Variants in MYO16 observed in about 807,000 individuals in gnomAD.
MYO16 encodes the protein myosin XVI.
MYO16 carries 94 observed loss-of-function variants against 205.3 expected under a neutral mutation model. That is an observed-to-expected ratio of 0.46 (90% CI 0.39 to 0.54). MYO16 has a LOEUF of 0.54. Among genes scored for constraint, MYO16 ranks in the 20% least tolerant of loss-of-function variants. The pLI is 0.00. For missense variants in MYO16, 2,315 were observed against 2,387.5 expected, an observed-to-expected ratio of 0.97 and a Z score of 0.63; for synonymous variants, 988 against 954.0, an observed-to-expected ratio of 1.04 and a Z score of -0.66.
At chr13:108,553,953 C>A in the MYO16 span, among the ~76,000 whole-genome samples, 11 of 152,178 alleles carry the variant, frequency 7.2e-5, no homozygotes, top group African/African-American at 2.7e-4. Context: ...CCTGTCTCCC[C>A]CTGTGCTCCT....
chr13:108,711,203 G>C (rs929116748), intron 2 of MYO16, among the ~76,000 whole-genome samples: 35 of 152,366 alleles, frequency 2.3e-4, no homozygotes, highest in African/African-American at 7.9e-4. Context: ...TCTTGTAACA[G>C]CAGAGAAAGA....
chr13:108,665,250 T>C (rs958523223), intron 1 of MYO16, among the ~76,000 whole-genome samples: 1 of 152,004 alleles, frequency 6.6e-6, no homozygotes, highest in Non-Finnish European at 1.5e-5. Context: ...TGCCTAGCTA[T>C]CTTAAAAGTT....
At chr13:108,686,882 G>A (rs1381896886) in intron 2 of MYO16, among the ~76,000 whole-genome samples, 2 of 152,200 alleles carry the variant, frequency 1.3e-5, no homozygotes. Flanking sequence ...TTTATTTGCT[G>A]TGAAGGCAGG....
At chr13:108,749,166 G>A (rs1476357495) in intron 4 of MYO16, among the ~76,000 whole-genome samples, 3 of 151,686 alleles carry the variant, frequency 2.0e-5, no homozygotes, top group Admixed American at 2.0e-4. Context: ...ATTTTTTGCA[G>A]TGAGAACACT....
chr13:108,880,432 T>C (rs2139160950), intron 12 of MYO16, among the ~76,000 whole-genome samples: 1 of 152,360 alleles, frequency 6.6e-6, no homozygotes, highest in South Asian at 2.1e-4. Context: ...CATGAAGTCT[T>C]TGCCCATGCC....
chr13:109,022,532 A>G (rs1393716307), intron 23 of MYO16, among the ~76,000 whole-genome samples: 1 of 133,612 alleles, frequency 7.5e-6, no homozygotes, highest in Non-Finnish European at 1.5e-5. Flanking sequence ...TATATACAAT[A>G]TAAACATATG....
At chr13:108,954,539 A>G (rs1209584790) in intron 16 of MYO16, among the ~76,000 whole-genome samples, 1 of 152,094 alleles carries the variant, frequency 6.6e-6, no homozygotes, top group Non-Finnish European at 1.5e-5. Flanking sequence ...TCAGGAGTTC[A>G]AGACCAGCCT....
intron 20 of MYO16, among the ~76,000 whole-genome samples, chr13:108,977,940 G>A (rs951800343): frequency 3.3e-5 from 5 of 151,630 alleles, no homozygotes; most frequent in Non-Finnish European, 5.9e-5. Flanking sequence ...TACCATTTAG[G>A]CTATTGATTT....
intron 4 of MYO16, among the ~76,000 whole-genome samples, chr13:108,738,813 G>T (rs1884796267): frequency 6.6e-6 from 1 of 152,250 alleles, no homozygotes; most frequent in Non-Finnish European, 1.5e-5. Context: ...TTATGAATCT[G>T]GGTGCTCCTG....
chr13:108,793,652 T>C lies in MYO16; in HGVS notation c.741+12T>C. 1 of 1,609,320 alleles carries C rather than the reference T, an allele frequency of 6.2e-7. No homozygotes were observed. The highest frequency in any genetic ancestry group is 8.5e-7 in the Non-Finnish European group (1 of 1,177,092). On this transcript the variant is annotated intron_variant, in intron 6 of 34. Transcript: ENST00000457511. ...AAGGAGTAACCCTGGTAAGTTCATA[T>C]ATTTGACTCAGAAACTATTTGAATA...
intron 12 of MYO16, among the ~76,000 whole-genome samples, chr13:108,871,350 G>GTGTGTA (rs35821571): frequency 0.23 from 33,454 of 147,152 alleles, 4,013 homozygotes; most frequent in East Asian, 0.46. Context: ...GTGTGTGTGT[G>GTGTGTA]TGTGTGTGTG....
chr13:108,691,473 G>A (rs1392808052), intron 2 of MYO16, among the ~76,000 whole-genome samples: 4 of 151,874 alleles, frequency 2.6e-5, no homozygotes, highest in Non-Finnish European at 5.9e-5. Flanking sequence ...GAGAAAGAGT[G>A]AGATATTTGT....
intron 23 of MYO16, among the ~76,000 whole-genome samples, chr13:109,022,615 CAT>C (rs1399643337): frequency 1.1e-4 from 14 of 128,002 alleles, no homozygotes; most frequent in South Asian, 2.5e-4. Context: ...CGCATATAAA[CAT>C]ATGTATATAT....
At chr13:108,562,005 T>C in the MYO16 span, among the ~76,000 whole-genome samples, 1 of 152,212 alleles carries the variant, frequency 6.6e-6, no homozygotes, top group Non-Finnish European at 1.5e-5. Context: ...CTTTCCCAAG[T>C]AAGCTTTTTC....
intron 23 of MYO16, among the ~76,000 whole-genome samples, chr13:109,034,009 A>G (rs1886629832): frequency 6.6e-6 from 1 of 152,110 alleles, no homozygotes; most frequent in African/African-American, 2.4e-5. Flanking sequence ...CACTGCCTCA[A>G]TGCATCTTAG....
intron 4 of MYO16, among the ~76,000 whole-genome samples, chr13:108,760,318 T>C (rs1326171817): frequency 3.3e-5 from 5 of 152,220 alleles, no homozygotes; most frequent in Non-Finnish European, 7.3e-5. Context: ...GTCTTGTGTT[T>C]CCTGGCAGAG....
chr13:109,169,214 T>C (rs1260934782), intron 33 of MYO16, among the ~76,000 whole-genome samples: 1 of 152,174 alleles, frequency 6.6e-6, no homozygotes, highest in East Asian at 1.9e-4. Context: ...GAAATGGAAA[T>C]GTATGGCTTC....
intron 6 of MYO16, among the ~76,000 whole-genome samples, chr13:108,805,252 G>C (rs2138978145): frequency 6.6e-6 from 1 of 152,240 alleles, no homozygotes; most frequent in East Asian, 1.9e-4. Flanking sequence ...GATTAATTCT[G>C]TATGTAGCAA....
chr13:108,920,246 C>T (rs1387583657), intron 16 of MYO16, among the ~76,000 whole-genome samples: 1 of 152,166 alleles, frequency 6.6e-6, no homozygotes, highest in East Asian at 1.9e-4. Flanking sequence ...AATTCGCTTC[C>T]AAAATAGACC....
Sources: gnomAD v4.1 joint callset for allele counts (sites outside exome capture counted in the v4.1 genomes callset) on GRCh38, gnomAD v4.1.1 for gene constraint, MANE v1.5 for transcripts, NCBI Gene and HGNC (gene_info 2026-07-23, HGNC 2026-07-21) for gene names.